The following LARGE2 variants were observed in gnomAD, a reference collection of about 807,000 sequenced individuals.
LARGE2 encodes the protein xylosyl- and glucuronyltransferase LARGE2.
A neutral mutation model predicts 75.3 loss-of-function variants in LARGE2; 63 were observed. That is an observed-to-expected ratio of 0.84 (90% CI 0.68 to 1.03). The LOEUF is 1.03. Among genes scored for constraint, LARGE2 ranks in the 50% least tolerant of loss-of-function variants. LARGE2 has a pLI of 0.00. For synonymous variants in LARGE2, 428 were observed against 420.1 expected (o/e 1.02, Z -0.23); for missense variants, 925 against 980.6 (o/e 0.94, Z 0.76).
chr11:45,922,846 G>A lies in LARGE2; in HGVS notation c.-37G>A. ...GGCCTGCGATGGAGCCTGCAGCCCC[G>A]GGTCGCGTCCCTCCCTGAGCGCCCC... is the stretch of plus-strand genomic sequence containing the variant. On this transcript the variant is annotated 5_prime_UTR_variant, in exon 2 of 14. Coordinates refer to ENST00000401752, the MANE Select transcript of LARGE2 (RefSeq NM_001300721.2). 8.0e-7 allele frequency: 1 copy of A among 1,242,490 alleles called. No individual in the cohort carries two copies. The highest frequency in any genetic ancestry group is 3.4e-5 in the South Asian group (1 of 29,098). The allele number at this position is 1,242,490 out of a possible 1,614,324, so 77.0% of individuals were successfully genotyped here.
At chr11:45,924,459 C>T in intron 4 of LARGE2, 47 bp from the exon 5 acceptor site, 2 of 1,596,280 alleles carry the variant, frequency 1.3e-6, no homozygotes, top group Non-Finnish European at 1.7e-6. Context: ...TTCTGGTGCT[C>T]ATAGGCCCCT....
Position 45,926,285 on chromosome 11 carries a change from A to C in LARGE2, c.946A>C (p.Asn316His). The change falls in exon 8 of 14, where the codon AAT becomes CAT. Residue 316 changes from asparagine (N) to histidine (H), a missense_variant. By Grantham distance (68) the Asn-to-His change is moderately conservative. This residue lies in a region of LARGE2 where 453 missense variants were observed against 460.2 expected (regional missense o/e 0.98). Coordinates refer to ENST00000401752, the MANE Select transcript of LARGE2 (RefSeq NM_001300721.2). The stretch of plus-strand genomic sequence containing the variant: ...AGTGCAGCGTCTGCCTTGTGTCTGG[A>C]ATGTGCAGCTGTCAGATCACACACT... ...GLVQRLPCVW[N>H]VQLSDHTLAE... The C allele has an allele frequency of 1.2e-6, 2 of 1,614,140 alleles. No homozygotes were observed. The highest frequency in any genetic ancestry group is 1.7e-6 in the Non-Finnish European group (2 of 1,180,010).
chr11:45,924,728 C>T (rs1565091358), intron 5 of LARGE2, 51 bp downstream of exon 5: 1 of 1,554,680 alleles, frequency 6.4e-7, no homozygotes. Flanking sequence ...TGCATCCAGC[C>T]CTGAGCCCAG....
Position 45,923,012 on chromosome 11 carries a change from GC to G in LARGE2, c.134del (p.Pro45ArgfsTer72), listed in dbSNP as rs1565087958. The G allele has an allele frequency of 4.4e-6, 6 of 1,360,060 alleles. No homozygotes were observed. The highest frequency in any genetic ancestry group is 1.7e-5 in the South Asian group (1 of 57,396). 84.2% of individuals were successfully genotyped at this position (1,360,060 alleles called of 1,614,324 possible). A position where few individuals can be genotyped will look rare whatever the true frequency, so the allele number is the denominator to read the frequency against. ...ERREPGGRAG[A>X]PGCFPGPLMP... is the part of the protein sequence containing the mutation. ...CCGCGAGCCTGGCGGGCGAGCGGGG[GC>G]CCCGGGATGCTTCCCCGGCCCGCTC... On this transcript the variant is annotated frameshift_variant, in exon 2 of 14. Transcript: ENST00000401752. LOFTEE classifies it high-confidence loss of function.
chr11:45,922,774 C>A (rs2086966535), intron 1 of LARGE2, 46 bp downstream of exon 1: 1 of 935,126 alleles, frequency 1.1e-6, no homozygotes, highest in Non-Finnish European at 1.4e-6. Flanking sequence ...GGCCGTCGGG[C>A]CCCGCCGCCC....
At position 45,926,596 on chromosome 11, in the gene LARGE2, A is replaced by G; in HGVS notation, c.1163A>G (p.Gln388Arg). The G allele has an allele frequency of 6.2e-7, 1 of 1,614,024 alleles. No individual in the cohort carries two copies. The highest frequency in any genetic ancestry group is 1.3e-5 in the African/African-American group (1 of 75,022). Reference sequence around the variant, plus strand: ...AGCCAGCCCCCACCTGGTGCTGAGCAGGTGAGAAGGAGTCACCTTCCCCTG... The same window carrying G: ...AGCCAGCCCCCACCTGGTGCTGAGCGGGTGAGAAGGAGTCACCTTCCCCTG... ...CPSQPPPGAEQLQQALAQLDE... is the reference protein window; with the variant it reads ...CPSQPPPGAERLQQALAQLDE... Residue 388 changes from glutamine (Q) to arginine (R), a missense_variant and splice_region_variant, in exon 9 of 14, where the codon CAG becomes CGG. Coordinates refer to ENST00000401752, the MANE Select transcript of LARGE2 (RefSeq NM_001300721.2).
rs2086958735 is a variant in LARGE2 at position 45,922,661 on chromosome 11, T to G, written c.-130T>G. ...CGGGGGCGGGACCGGCCCGCGCCTC[T>G]CCCCTGGTTCCCGCACCCTGGCCGG... On this transcript the variant is annotated 5_prime_UTR_variant, in exon 1 of 14. Coordinates refer to ENST00000401752, the MANE Select transcript of LARGE2 (RefSeq NM_001300721.2). The G allele has an allele frequency of 7.3e-5, 25 of 341,836 alleles. No individual in the cohort carries two copies. In the East Asian group the frequency reaches 1.1e-3, roughly 15 times the overall value. 21.2% of individuals were successfully genotyped at this position (341,836 alleles called of 1,614,324 possible).
chr11:45,923,647 C>A, intron 3 of LARGE2, 92 bp downstream of exon 3: 1 of 1,143,100 alleles, frequency 8.7e-7, no homozygotes, highest in Non-Finnish European at 1.3e-6. Flanking sequence ...GCTTCCTCAT[C>A]TGTGACGCGG....
chr11:45,921,894 G>A (rs1247115186), upstream of LARGE2, among the ~76,000 whole-genome samples: 1 of 152,150 alleles, frequency 6.6e-6, no homozygotes, highest in Non-Finnish European at 1.5e-5. Flanking sequence ...CTTAGCACAG[G>A]GCCTGGCACG....
rs763107146 is a variant in LARGE2, at chr11:45,928,789, G to C, written c.2110G>C (p.Ala704Pro). The C allele has an allele frequency of 1.9e-6, 3 of 1,613,762 alleles. No homozygotes were observed. Reference sequence around the variant, plus strand: ...GGACTTGTCCCGCCACCATGGGGCTGCTGCCCTCAAATACCTCCCAGCCCT... The same window carrying C: ...GGACTTGTCCCGCCACCATGGGGCTCCTGCCCTCAAATACCTCCCAGCCCT... Reference protein sequence around the residue: ...HQDLSRHHGAAALKYLPALQQ... With the variant: ...HQDLSRHHGAPALKYLPALQQ... The change falls in exon 14 of 14, where the codon GCT becomes CCT. Residue 704 changes from alanine (A) to proline (P), a missense_variant. Around this residue, in one of 3 missense-constraint regions of LARGE2, gnomAD observed 469 missense variants for 503.8 expected, o/e 0.93. Transcript: ENST00000401752.
intron 10 of LARGE2, 98 bp downstream of exon 10, chr11:45,926,969 A>G: frequency 8.0e-7 from 1 of 1,250,886 alleles, no homozygotes; most frequent in Non-Finnish European, 1.1e-6. Context: ...TGTGGTAGTG[A>G]GCTACCTGTC....
chr11:45,927,686 T>G, intron 11 of LARGE2, 93 bp downstream of exon 11: 1 of 1,532,482 alleles, frequency 6.5e-7, no homozygotes, highest in South Asian at 1.1e-5. Context: ...TGCTCCTTTC[T>G]GGGCCTCAGT....
chr11:45,926,660 G>A (rs1245460732), intron 9 of LARGE2, 51 bp from the exon 10 acceptor site: 7 of 1,612,072 alleles, frequency 4.3e-6, no homozygotes, highest in Non-Finnish European at 5.9e-6. Context: ...TTGTCTGGGG[G>A]ATGTGTTGTT....
intron 11 of LARGE2, 135 bp from the exon 12 acceptor site, chr11:45,927,785 T>G (rs1256904592): frequency 2.1e-6 from 3 of 1,452,584 alleles, no homozygotes; most frequent in Non-Finnish European, 2.9e-6. Context: ...GCTCCACCTG[T>G]GGTTGTGCCC....
intron 6 of LARGE2, 138 bp downstream of exon 6, chr11:45,925,027 CA>C (rs894330656): frequency 1.8e-6 from 1 of 557,998 alleles, no homozygotes; most frequent in Non-Finnish European, 3.1e-6. Context: ...AAGAGACAGA[CA>C]GCAGTTCCAA....
chr11:45,922,748 G>GC lies in LARGE2; in HGVS notation c.-63+21dup. 1 of 685,966 alleles carries GC rather than the reference G, an allele frequency of 1.5e-6. No individual in the cohort carries two copies. The highest frequency in any genetic ancestry group is 2.0e-6 in the Non-Finnish European group (1 of 494,918). 42.5% of individuals were successfully genotyped at this position (685,966 alleles called of 1,614,324 possible). ...GAGCAGGTGAGGGAGGTGGCTCGGC[G>GC]CGAGCCGCACAACCCGGCCGTCGGG... is the stretch of plus-strand genomic sequence containing the variant. On this transcript the variant is annotated intron_variant, in intron 1 of 13. Transcript: ENST00000401752.
chr11:45,926,189 G>A, intron 7 of LARGE2, 33 bp from the exon 8 acceptor site: 21 of 1,611,244 alleles, frequency 1.3e-5, no homozygotes, highest in Non-Finnish European at 1.8e-5. Context: ...GTGGCAGGCT[G>A]GGGGCTGGGA....
intron 4 of LARGE2, 35 bp from the exon 5 acceptor site, chr11:45,924,471 T>G (rs1209277017): frequency 1.2e-6 from 2 of 1,602,024 alleles, no homozygotes; most frequent in South Asian, 2.2e-5. Context: ...TAGGCCCCTC[T>G]CTGCCATCTC....
At chr11:45,927,149 G>A (rs531325160) in intron 10 of LARGE2, among the ~76,000 whole-genome samples, 166 bp from the exon 11 acceptor site, 1 of 152,296 alleles carries the variant, frequency 6.6e-6, no homozygotes, top group East Asian at 1.9e-4. Flanking sequence ...CCACCTGGTG[G>A]GGGTAGTTGT....
Sources: allele counts gnomAD v4.1 joint callset (sites outside exome capture counted in the v4.1 genomes callset), GRCh38; gene constraint gnomAD v4.1.1; regional missense constraint gnomAD v4.1.1; transcripts MANE v1.5; gene names NCBI Gene and HGNC (gene_info 2026-07-23, HGNC 2026-07-21).